The following OPCML variants were observed in gnomAD, a reference collection of about 807,000 sequenced individuals.
OPCML encodes opioid binding protein/cell adhesion molecule like, also known as opioid-binding protein/cell adhesion molecule.
In OPCML, 13 loss-of-function variants were observed where a neutral mutation model predicts 37.8. The ratio of observed to expected loss-of-function variants is 0.34; its 90% CI spans 0.22 to 0.55. OPCML has a LOEUF of 0.55. Ranked by LOEUF, OPCML falls within the 20% of genes least tolerant of loss-of-function variation. The pLI is 0.91. For missense variants in OPCML, 341 were observed against 435.6 expected, an observed-to-expected ratio of 0.78 and a Z score of 1.93; for synonymous variants, 176 against 168.8, an observed-to-expected ratio of 1.04 and a Z score of -0.33.
At chr11:132,994,252 G>A (rs529731226) in intron 1 of OPCML, among the ~76,000 whole-genome samples, 7 of 152,198 alleles carry the variant, frequency 4.6e-5, no homozygotes, top group African/African-American at 1.4e-4. Context: ...GCGGGAGCAC[G>A]TCCGGGGCTT....
chr11:132,455,310 T>C (rs1050785727), intron 4 of OPCML, among the ~76,000 whole-genome samples: 3 of 152,038 alleles, frequency 2.0e-5, no homozygotes, highest in Non-Finnish European at 4.4e-5. Flanking sequence ...AAGCCTGGAG[T>C]GTGCAGTGAC....
At chr11:132,480,046 A>C (rs1393016454) in intron 4 of OPCML, among the ~76,000 whole-genome samples, 3 of 152,228 alleles carry the variant, frequency 2.0e-5, no homozygotes, top group Non-Finnish European at 4.4e-5. Flanking sequence ...TGAGAGAAGA[A>C]GGCTTCAGAC....
intron 2 of OPCML, among the ~76,000 whole-genome samples, chr11:132,750,808 G>C (rs79884663): frequency 8.7e-6 from 1 of 115,374 alleles, no homozygotes; most frequent in Non-Finnish European, 1.8e-5. Context: ...TTTTTTTTTT[G>C]AGACAGAGTC....
At chr11:133,110,351 C>T (rs530803643) in intron 1 of OPCML, among the ~76,000 whole-genome samples, 17 of 152,212 alleles carry the variant, frequency 1.1e-4, no homozygotes, top group Middle Eastern at 3.4e-3. Context: ...ACCTTACATT[C>T]GAGTACAGAA....
intron 1 of OPCML, among the ~76,000 whole-genome samples, chr11:133,311,407 G>C (rs1450093929): frequency 1.3e-5 from 2 of 152,140 alleles, no homozygotes; most frequent in Non-Finnish European, 2.9e-5. Flanking sequence ...ATTTGGCCCA[G>C]ACTTTCTAGT....
chr11:133,324,065 C>A (rs1306163097), intron 1 of OPCML, among the ~76,000 whole-genome samples: 2 of 152,132 alleles, frequency 1.3e-5, no homozygotes, highest in African/African-American at 4.8e-5. Context: ...CCTCCCTGTG[C>A]CTCCCCACAT....
At chr11:132,487,204 A>G (rs1459256322) in intron 4 of OPCML, among the ~76,000 whole-genome samples, 1 of 152,176 alleles carries the variant, frequency 6.6e-6, no homozygotes, top group Non-Finnish European at 1.5e-5. Context: ...TCACTGAGAG[A>G]CGGTTACTCA....
intron 3 of OPCML, among the ~76,000 whole-genome samples, chr11:132,549,472 T>C (rs146838185): frequency 9.6e-4 from 146 of 152,372 alleles, no homozygotes; most frequent in Middle Eastern, 3.4e-3. Flanking sequence ...GTGGTCACTC[T>C]TTTATTCCTT....
At chr11:132,547,795 T>C (rs1469924798) in intron 3 of OPCML, among the ~76,000 whole-genome samples, 1 of 152,148 alleles carries the variant, frequency 6.6e-6, no homozygotes, top group Non-Finnish European at 1.5e-5. Context: ...GCCATCTCTC[T>C]GAACGTGACA....
intron 2 of OPCML, among the ~76,000 whole-genome samples, chr11:132,913,927 C>T (rs1245953294): frequency 6.6e-6 from 1 of 152,230 alleles, no homozygotes; most frequent in African/African-American, 2.4e-5. Flanking sequence ...GCTCACTAGG[C>T]ATCCTTTCGA....
At chr11:132,508,478 A>T (rs528347100) in intron 4 of OPCML, among the ~76,000 whole-genome samples, 2 of 149,690 alleles carry the variant, frequency 1.3e-5, no homozygotes, top group East Asian at 3.9e-4. Flanking sequence ...AACATTGGAC[A>T]AAATGGAAGA....
intron 2 of OPCML, among the ~76,000 whole-genome samples, chr11:132,781,961 T>A (rs757735285): frequency 0.019 from 2,658 of 141,902 alleles, 27 homozygotes; most frequent in Non-Finnish European, 0.028. Flanking sequence ...TATATTTTTT[T>A]TTTTTTTTTT....
intron 1 of OPCML, among the ~76,000 whole-genome samples, chr11:133,475,231 TG>T (rs201496094): frequency 0.15 from 22,131 of 149,474 alleles, 5,269 homozygotes; most frequent in African/African-American, 0.51. Context: ...GTTGTTTTTT[TG>T]TTGTTGTTGT....
At chr11:132,723,466 A>G (rs571980864) in intron 2 of OPCML, among the ~76,000 whole-genome samples, 1 of 152,360 alleles carries the variant, frequency 6.6e-6, no homozygotes, top group East Asian at 1.9e-4. Flanking sequence ...CCTGCCTCTG[A>G]GGGTGACTGT....
At chr11:133,417,879 A>G (rs1442892024) in intron 1 of OPCML, among the ~76,000 whole-genome samples, 1 of 152,020 alleles carries the variant, frequency 6.6e-6, no homozygotes, top group Non-Finnish European at 1.5e-5. Flanking sequence ...GAAATATGTA[A>G]CTCTTTTTCA....
At chr11:133,050,541 A>C (rs1050102493) in intron 1 of OPCML, among the ~76,000 whole-genome samples, 12 of 152,142 alleles carry the variant, frequency 7.9e-5, no homozygotes, top group Admixed American at 3.9e-4. Context: ...GTAAAAATCA[A>C]TAAGGAATAA....
intron 1 of OPCML, among the ~76,000 whole-genome samples, chr11:132,972,645 CT>C (rs1406260771): frequency 6.6e-6 from 1 of 152,164 alleles, no homozygotes; most frequent in Non-Finnish European, 1.5e-5. Flanking sequence ...TTTAATGTCT[CT>C]TTCCTCCATT....
At chr11:132,909,353 T>A (rs894042780) in intron 2 of OPCML, among the ~76,000 whole-genome samples, 1 of 152,152 alleles carries the variant, frequency 6.6e-6, no homozygotes. Flanking sequence ...AAAATAGAAG[T>A]GGTGTTCAGG....
chr11:132,635,539 A>G (rs1371100687), intron 3 of OPCML, among the ~76,000 whole-genome samples: 1 of 151,562 alleles, frequency 6.6e-6, no homozygotes. Context: ...AAGGAAAAAA[A>G]AAAAAAAAGC....
Sources: allele counts gnomAD v4.1 joint callset (sites outside exome capture counted in the v4.1 genomes callset), GRCh38; gene constraint gnomAD v4.1.1; transcripts MANE v1.5; gene names NCBI Gene and HGNC (gene_info 2026-07-23, HGNC 2026-07-21).